Variants in C7 observed in about 807,000 individuals in gnomAD.
The protein encoded by C7 is complement C7.
C7 carries 83 observed loss-of-function variants against 104.8 expected under a neutral mutation model. The ratio of observed to expected loss-of-function variants is 0.79; its 90% confidence interval spans 0.66 to 0.95. C7 has a LOEUF of 0.95. Ranked by LOEUF, C7 falls within the 40% of genes least tolerant of loss-of-function variation. The pLI is 0.00. For missense variants in C7, 1,070 were observed against 1,011.2 expected, an observed-to-expected ratio of 1.06 and a Z score of -0.79; for synonymous variants, 415 against 360.6, an observed-to-expected ratio of 1.15 and a Z score of -1.71.
chr5:40,943,989 A>G (rs1382178899), intron 6 of C7, among the ~76,000 whole-genome samples: 1 of 152,170 alleles, frequency 6.6e-6, no homozygotes, highest in Non-Finnish European at 1.5e-5. Context: ...CTTCACACTT[A>G]TACCTGTCTT....
At chr5:40,978,999 C>T (rs1156735453) in intron 16 of C7, among the ~76,000 whole-genome samples, 1 of 149,008 alleles carries the variant, frequency 6.7e-6, no homozygotes, top group Non-Finnish European at 1.5e-5. Flanking sequence ...CATGCTTCAG[C>T]CTCCTGAGTA....
chr5:40,934,502 T>C (rs757530493), intron 4 of C7, 36 bp downstream of exon 4: 1 of 1,603,676 alleles, frequency 6.2e-7, no homozygotes, highest in Admixed American at 1.7e-5. Context: ...ATGCAGATTG[T>C]AAATTCAAAC....
chr5:40,933,039 G>A (rs1036397419), intron 3 of C7, among the ~76,000 whole-genome samples: 2 of 152,148 alleles, frequency 1.3e-5, no homozygotes, highest in Non-Finnish European at 2.9e-5. Context: ...ACACTGTTAA[G>A]TCACACATGA....
Position 40,983,049 on chromosome 5 carries a change from A to C in C7, c.*1476A>C, listed in dbSNP as rs933851744. The C allele has an allele frequency of 2.0e-5, 3 of 152,344 alleles. No individual in the cohort carries two copies. The highest frequency in any genetic ancestry group is 7.2e-5 in the African/African-American group (3 of 41,464). The allele number at this position is 152,344 out of a possible 1,614,324, so 9.4% of individuals were successfully genotyped here. ...ATCCAGATCTAGCTTTTTGTATCAAAGTGTGCCCTAAGGGAAGATGCAGAT... is the reference window on the plus strand; with the variant it reads ...ATCCAGATCTAGCTTTTTGTATCAACGTGTGCCCTAAGGGAAGATGCAGAT... On this transcript the variant is annotated 3_prime_UTR_variant, in exon 18 of 18. Transcript: ENST00000313164.
At chr5:40,916,979 T>C (rs1235640059) in intron 1 of C7, among the ~76,000 whole-genome samples, 1 of 151,492 alleles carries the variant, frequency 6.6e-6, no homozygotes, top group Non-Finnish European at 1.5e-5. Context: ...TACTAAAAAT[T>C]CAAAAATTAG....
Position 40,948,324 on chromosome 5 carries a change from G to T in C7, c.982+479G>T, listed in dbSNP as rs150168413. On this transcript the variant is annotated intron_variant, in intron 8 of 17. Coordinates refer to ENST00000313164, the MANE Select transcript of C7 (RefSeq NM_000587.4). ...TTGTAACAATAGCTTAAATTGATGG[G>T]ATACCTTCCTCATGACAAGTGAGTT... 1.2e-4 allele frequency among the ~76,000 whole-genome samples: 19 copies of T among 152,160 alleles called. No individual in the cohort carries two copies. In the East Asian group the frequency reaches 3.7e-3, roughly 29 times the overall value.
intron 9 of C7, among the ~76,000 whole-genome samples, chr5:40,952,801 A>C (rs2459462): frequency 6.6e-6 from 1 of 152,088 alleles, no homozygotes; most frequent in Non-Finnish European, 1.5e-5. Context: ...ATACACCATG[A>C]AATACTATGC....
chr5:40,976,810 G>C lies in C7; in HGVS notation c.2135G>C (p.Arg712Thr), dbSNP rs1180082236. Residue 712 changes from arginine (R) to threonine (T), a missense_variant, in exon 16 of 18, where the codon AGA (arginine) becomes ACA (threonine). Coordinates refer to ENST00000313164, the MANE Select transcript of C7 (RefSeq NM_000587.4). ...CGCTGGGAGAAACTGCAGAATTCAA[G>C]ATGTGTTTGTAAAATGCCCTACGAA... ...CQRWEKLQNS[R>T]CVCKMPYECG... The C allele has an allele frequency of 1.2e-5, 19 of 1,607,270 alleles. 1 individual carries two copies. The highest frequency in any genetic ancestry group is 1.6e-5 in the Non-Finnish European group (19 of 1,176,696).
At position 40,964,798 on chromosome 5, in the gene C7, T is replaced by C. The variant is rs765905710; in HGVS notation, c.1807T>C (p.Tyr603His). 2 of 1,607,450 alleles carry C rather than the reference T, an allele frequency of 1.2e-6. No individual in the cohort carries two copies. Among genetic ancestry groups the C allele is most frequent in the Non-Finnish European group, 1.7e-6 (2 of 1,173,984 alleles). ...TGTAGTGTACACTTGCAATGAAGGATACTCTCTTATTGGAAACCCAGTGGC... is the reference window on the plus strand; with the variant it reads ...TGTAGTGTACACTTGCAATGAAGGACACTCTCTTATTGGAAACCCAGTGGC... The part of the protein sequence containing the change: ...KNVVYTCNEG[Y>H]SLIGNPVARC... Residue 603 changes from tyrosine (Y) to histidine (H), a missense_variant, in exon 14 of 18, where the codon TAC becomes CAC. Physicochemically the swap from Tyr to His is moderately conservative, Grantham distance 83. Transcript: ENST00000313164.
intron 2 of C7, among the ~76,000 whole-genome samples, chr5:40,930,514 AC>A (rs1739659658): frequency 6.6e-6 from 1 of 151,112 alleles, no homozygotes; most frequent in Non-Finnish European, 1.5e-5. Flanking sequence ...CCAATGACCT[AC>A]CTCTTTTATT....
Position 40,959,430 on chromosome 5 carries a change from C to A in C7, c.1490-19C>A, listed in dbSNP as rs1386216498. 6.2e-7 allele frequency: 1 copy of A among 1,603,246 alleles called. No homozygotes were observed. Among genetic ancestry groups the A allele is most frequent in the African/African-American group, 1.3e-5 (1 of 74,866 alleles). On this transcript the variant is annotated intron_variant, in intron 11 of 17. Coordinates refer to ENST00000313164, the MANE Select transcript of C7 (RefSeq NM_000587.4). ...CCCTCTTTAAGAACTTATTGATCAA[C>A]CTCTTTCTCATCTTGTAGGAGGGGT...
intron 9 of C7, among the ~76,000 whole-genome samples, chr5:40,952,764 G>A (rs543803861): frequency 1.3e-5 from 2 of 151,886 alleles, no homozygotes; most frequent in South Asian, 2.1e-4. Context: ...TTGTCCTTGC[G>A]AACTGGATTA....
Position 40,958,275 on chromosome 5 carries a change from A to G in C7, c.1489+14A>G. The G allele has an allele frequency of 6.5e-7, 1 of 1,547,204 alleles. No individual in the cohort carries two copies. Among genetic ancestry groups the G allele is most frequent in the Non-Finnish European group, 8.8e-7 (1 of 1,136,348 alleles). ...GGAATCAAGCAGGTCAGTGGGGTGA[A>G]TTTTCTCTAGCCACCCTGTACACAT... On this transcript the variant is annotated intron_variant, in intron 11 of 17. Transcript: ENST00000313164.
chr5:40,917,390 G>A (rs1258880763), intron 1 of C7, among the ~76,000 whole-genome samples: 1 of 152,082 alleles, frequency 6.6e-6, no homozygotes, highest in Non-Finnish European at 1.5e-5. Context: ...TTTTATTTCT[G>A]CTTGTTTTAT....
rs768503454 is a variant in C7 at position 40,949,949 on chromosome 5, A to G, written c.1028A>G (p.His343Arg). Residue 343 changes from histidine to arginine, a missense_variant, in exon 9 of 18, where the codon CAT (histidine) becomes CGT (arginine). Physicochemically the swap from His to Arg is conservative, Grantham distance 29 (BLOSUM62 0). Transcript: ENST00000313164. ...EEKKCKSSGW[H>R]FVVKFSSHGC... ...AAGAAATGTAAATCCTCAGGTTGGC[A>G]TTTTGTCGTTAAATTTTCAAGTCAT... is the stretch of plus-strand genomic sequence containing the variant. 44 of 1,601,382 alleles carry G rather than the reference A, an allele frequency of 2.7e-5. No individual in the cohort carries two copies. Among genetic ancestry groups the G allele is most frequent in the Non-Finnish European group, 3.7e-5 (44 of 1,173,334 alleles).
At chr5:40,950,428 C>A (rs532513424) in intron 9 of C7, among the ~76,000 whole-genome samples, 18 of 152,166 alleles carry the variant, frequency 1.2e-4, no homozygotes, top group Non-Finnish European at 1.9e-4. Flanking sequence ...TGTATATGCA[C>A]CACACTTTAT....
In C7 at chr5:40,976,425, T is replaced by C. The variant is rs143020019; in HGVS notation, c.2075-325T>C. Among the ~76,000 whole-genome samples, 691 of 152,330 alleles carry C rather than the reference T, an allele frequency of 4.5e-3. 1 individual carries two copies. The highest frequency in any genetic ancestry group is 0.016 in the African/African-American group (653 of 41,572). On this transcript the variant is annotated intron_variant, in intron 15 of 17. Coordinates refer to ENST00000313164, the MANE Select transcript of C7 (RefSeq NM_000587.4). Reference sequence around the variant, plus strand: ...TGTGAAGTAGCACCAACTTCCTAACTCTTTTTACTCTTAATTTTCTGATTT... The same window carrying C: ...TGTGAAGTAGCACCAACTTCCTAACCCTTTTTACTCTTAATTTTCTGATTT...
chr5:40,919,872 G>A (rs1399755147), intron 1 of C7, among the ~76,000 whole-genome samples: 1 of 151,850 alleles, frequency 6.6e-6, no homozygotes, highest in African/African-American at 2.4e-5. Flanking sequence ...AACAATAAAT[G>A]TCTACATCAA....
intron 1 of C7, among the ~76,000 whole-genome samples, chr5:40,922,131 CT>C (rs1461741184): frequency 6.6e-6 from 1 of 151,830 alleles, no homozygotes; most frequent in African/African-American, 2.4e-5. Context: ...AATCCCAGCA[CT>C]TTGGGAGGCT....
Sources: allele counts gnomAD v4.1 joint callset (sites outside exome capture counted in the v4.1 genomes callset), GRCh38; gene constraint gnomAD v4.1.1; transcripts MANE v1.5; gene names NCBI Gene and HGNC (gene_info 2026-07-23, HGNC 2026-07-21).